Variants in ABCC3 observed in about 807,000 individuals in gnomAD.
The protein encoded by ABCC3 is ATP-binding cassette sub-family C member 3.
ABCC3 carries 121 observed loss-of-function variants against 165.3 expected under a neutral mutation model. That is an observed-to-expected ratio of 0.73 (90% CI 0.63 to 0.85). The LOEUF (loss-of-function observed/expected upper bound fraction) is 0.85. ABCC3 is among the 40% of genes least tolerant of loss of function. The probability of loss-of-function intolerance (pLI) is 0.00; values close to 1 mark genes in which losing one functional copy is unlikely to be tolerated. For synonymous variants in ABCC3, 733 were observed against 810.1 expected, an observed-to-expected ratio of 0.90 and a Z score of 1.62; for missense variants, 1,869 against 1,964.1, an observed-to-expected ratio of 0.95 and a Z score of 0.92.
Position 50,667,600 on chromosome 17 carries a change from A to T in ABCC3, c.1478A>T (p.Glu493Val). ...GACTCGCGCATCAAGCTGATGAGTG[A>T]GATCCTGAACGGCATCAAGGTGCTG... Reference protein sequence around the residue: ...LKDSRIKLMSEILNGIKVLKL... With the variant: ...LKDSRIKLMSVILNGIKVLKL... The change falls in exon 12 of 31, where the codon GAG becomes GTG. Residue 493 changes from glutamate to valine, a missense_variant. Glu to Val is a moderately radical substitution (Grantham distance 121). Coordinates refer to ENST00000285238, the MANE Select transcript of ABCC3 (RefSeq NM_003786.4). 1 of 1,613,684 alleles carries T rather than the reference A, an allele frequency of 6.2e-7. No homozygotes were observed. The highest frequency in any genetic ancestry group is 8.5e-7 in the Non-Finnish European group (1 of 1,179,566).
At position 50,667,853 on chromosome 17, in the gene ABCC3, C is replaced by T. The variant is rs201307642; in HGVS notation, c.1636-10C>T. On this transcript the variant is annotated splice_polypyrimidine_tract_variant and intron_variant, in intron 12 of 30. Coordinates refer to ENST00000285238, the MANE Select transcript of ABCC3 (RefSeq NM_003786.4). ...GGACTCTACCCTGACACCACCTCCA[C>T]GCTGCTCAGGTGACCCTGATCACCC... The T allele has an allele frequency of 3.0e-5, 49 of 1,613,826 alleles. No individual in the cohort carries two copies. The highest frequency in any genetic ancestry group is 3.7e-5 in the Non-Finnish European group (44 of 1,179,896).
intron 19 of ABCC3, 52 bp from the exon 20 acceptor site, chr17:50,675,310 C>T: frequency 2.2e-6 from 3 of 1,354,746 alleles, no homozygotes; most frequent in Non-Finnish European, 3.1e-6. Flanking sequence ...ATACCAGGGG[C>T]TTGCAGGGAG....
intron 25 of ABCC3, chr17:50,679,533 G>A (rs1330410228): frequency 3.8e-6 from 1 of 264,834 alleles, no homozygotes; most frequent in Non-Finnish European, 7.1e-6. Context: ...AGATTCTCTG[G>A]GAAGTCTTAT....
chr17:50,653,126 A>C (rs1279903521), intron 1 of ABCC3, among the ~76,000 whole-genome samples: 1 of 152,056 alleles, frequency 6.6e-6, no homozygotes, highest in Non-Finnish European at 1.5e-5. Context: ...TGGGTGGATC[A>C]CCTGAGGTCA....
chr17:50,661,129 C>A lies in ABCC3; in HGVS notation c.998+15C>A, dbSNP rs764949170. On this transcript the variant is annotated intron_variant, in intron 8 of 30. Transcript: ENST00000285238. ...CAGCTGCTCAGGTCTCTCCACACTC[C>A]GGCTCACTATAGCCCTGCCCTGGGC... The A allele has an allele frequency of 5.0e-6, 8 of 1,604,660 alleles. No individual in the cohort carries two copies. The highest frequency in any genetic ancestry group is 6.8e-6 in the Non-Finnish European group (8 of 1,173,742).
intron 6 of ABCC3, 57 bp from the exon 7 acceptor site, chr17:50,659,180 A>G (rs1170325758): frequency 2.5e-6 from 4 of 1,593,372 alleles, no homozygotes; most frequent in Non-Finnish European, 3.4e-6. Context: ...CCTTGGCTCC[A>G]GGCTGCTAAA....
At chr17:50,647,659 CA>C (rs1967028385) in intron 1 of ABCC3, among the ~76,000 whole-genome samples, 1 of 152,150 alleles carries the variant, frequency 6.6e-6, no homozygotes, top group South Asian at 2.1e-4. Context: ...ACCAGGAGAC[CA>C]GGAAAGAGTA....
chr17:50,646,376 A>G (rs898807158), intron 1 of ABCC3, among the ~76,000 whole-genome samples: 2 of 152,210 alleles, frequency 1.3e-5, no homozygotes, highest in Admixed American at 1.3e-4. Flanking sequence ...GTGCAGGTCT[A>G]TGCAGGCTAT....
At chr17:50,678,005 TCAGGGTCC>T (rs1967858455) in intron 24 of ABCC3, 62 bp downstream of exon 24, 2 of 1,613,932 alleles carry the variant, frequency 1.2e-6, no homozygotes, top group Non-Finnish European at 1.7e-6. Flanking sequence ...TCTCTGGTGT[TCAGGGTCC>T]TTGTCCCTCC....
At chr17:50,674,770 A>AT (rs1967764239) in intron 19 of ABCC3, among the ~76,000 whole-genome samples, 1 of 142,444 alleles carries the variant, frequency 7.0e-6, no homozygotes, top group African/African-American at 2.6e-5. Flanking sequence ...CACTGGACAC[A>AT]TTTTCTTTTA....
intron 23 of ABCC3, 147 bp downstream of exon 23, chr17:50,676,735 G>T (rs1457588836): frequency 1.3e-6 from 1 of 782,328 alleles, no homozygotes; most frequent in Non-Finnish European, 2.0e-6. Context: ...TTATGTTAGG[G>T]GAGCCATTAC....
chr17:50,656,610 G>A (rs1967254187), intron 2 of ABCC3, 92 bp from the exon 3 acceptor site: 2 of 1,508,480 alleles, frequency 1.3e-6, no homozygotes, highest in Non-Finnish European at 1.8e-6. Flanking sequence ...AGGTCTAGTG[G>A]ATTCTGGTGG....
At chr17:50,671,455 G>A (rs1334551547) in intron 17 of ABCC3, among the ~76,000 whole-genome samples, 2 of 152,002 alleles carry the variant, frequency 1.3e-5, no homozygotes, top group Admixed American at 6.6e-5. Flanking sequence ...TCTGTTCCTA[G>A]GAATTTGACT....
chr17:50,676,654 G>A, intron 23 of ABCC3, 66 bp downstream of exon 23: 1 of 1,325,290 alleles, frequency 7.5e-7, no homozygotes. Flanking sequence ...CATGGGCGGG[G>A]GCAGCAGGGG....
intron 13 of ABCC3, 109 bp downstream of exon 13, chr17:50,668,118 G>A: frequency 1.0e-6 from 1 of 994,722 alleles, no homozygotes; most frequent in Non-Finnish European, 1.5e-6. Context: ...TGGATTCAGG[G>A]AAGGTTGCTA....
intron 30 of ABCC3, 127 bp from the exon 31 acceptor site, chr17:50,690,965 C>T (rs765225742): frequency 8.2e-5 from 54 of 656,266 alleles, no homozygotes; most frequent in African/African-American, 1.8e-4. Flanking sequence ...ACATGTGGTG[C>T]GGTGGCTGTG....
At chr17:50,645,233 C>A (rs148871595) in intron 1 of ABCC3, among the ~76,000 whole-genome samples, 1,864 of 148,396 alleles carry the variant, frequency 0.013, 20 homozygotes, top group Non-Finnish European at 0.019. Context: ...AATTAACCAG[C>A]CGTGGTGGTG....
chr17:50,658,505 GCT>G lies in ABCC3; in HGVS notation c.674+12_674+13del. The G allele has an allele frequency of 6.2e-7, 1 of 1,612,544 alleles. No homozygotes were observed. The highest frequency in any genetic ancestry group is 8.5e-7 in the Non-Finnish European group (1 of 1,178,514). On this transcript the variant is annotated intron_variant, in intron 6 of 30. Transcript: ENST00000285238. ...TTCTGGTGGTTCACAAAGTGAGTTG[GCT>G]CTTCCACCAGCCAGGCCAGAGGGAG...
At position 50,688,073 on chromosome 17, in the gene ABCC3, G is replaced by A. The variant is rs146144604; in HGVS notation, c.4475+343G>A. Among the ~76,000 whole-genome samples the A allele has an allele frequency of 8.4e-3, 1,278 of 151,676 alleles. 7 individuals carry two copies. Among genetic ancestry groups the A allele is most frequent in the Non-Finnish European group, 0.013 (907 of 67,934 alleles). On this transcript the variant is annotated intron_variant, in intron 30 of 30. Coordinates refer to ENST00000285238, the MANE Select transcript of ABCC3 (RefSeq NM_003786.4). ...ATTACAGGCGTGCACCACCACATCC[G>A]GCTAATTTTTGTATTTTTAGTAGAG...
Sources: gnomAD v4.1 joint callset for allele counts (sites outside exome capture counted in the v4.1 genomes callset) on GRCh38, gnomAD v4.1.1 for gene constraint, MANE v1.5 for transcripts, NCBI Gene and HGNC (gene_info 2026-07-23, HGNC 2026-07-21) for gene names.